Variants in FKBP5 observed in about 807,000 individuals in gnomAD.
FKBP5 encodes peptidyl-prolyl cis-trans isomerase FKBP5.
In FKBP5, 23 loss-of-function variants were observed where a neutral mutation model predicts 50.5. The observed-to-expected ratio is 0.46, with a 90% confidence interval of 0.33 to 0.65. The LOEUF (loss-of-function observed/expected upper bound fraction) is 0.65, where lower values mean the gene tolerates loss of function less well. Ranked by LOEUF, FKBP5 falls within the 30% of genes least tolerant of loss-of-function variation. The pLI is 0.02. For missense variants in FKBP5, 411 were observed against 553.1 expected, an observed-to-expected ratio of 0.74 and a Z score of 2.58; for synonymous variants, 176 against 190.6, an observed-to-expected ratio of 0.92 and a Z score of 0.63.
At chr6:35,623,556 C>T (rs62402121) in intron 3 of FKBP5, among the ~76,000 whole-genome samples, 2,286 of 151,308 alleles carry the variant, frequency 0.015, 24 homozygotes, top group Non-Finnish European at 0.023. Flanking sequence ...ACTGTCTTTA[C>T]GAAATGGCTA....
chr6:35,648,864 G>T (rs1317759875), intron 1 of FKBP5, among the ~76,000 whole-genome samples: 2 of 152,070 alleles, frequency 1.3e-5, no homozygotes, highest in Non-Finnish European at 2.9e-5. Context: ...CAGGAGAATC[G>T]CTTGAACCCT....
intron 2 of FKBP5, among the ~76,000 whole-genome samples, chr6:35,701,060 A>G (rs1407000534): frequency 6.6e-6 from 1 of 152,218 alleles, no homozygotes; most frequent in South Asian, 2.1e-4. Flanking sequence ...TAGTATAAGT[A>G]TATCCCAAAT....
chr6:35,667,675 G>A (rs565342261), intron 1 of FKBP5, among the ~76,000 whole-genome samples: 4 of 152,324 alleles, frequency 2.6e-5, no homozygotes, highest in African/African-American at 9.6e-5. Context: ...GAGGTCAAGA[G>A]TTTGAGATCA....
At chr6:35,656,125 T>C (rs969537148) in intron 1 of FKBP5, among the ~76,000 whole-genome samples, 1 of 152,204 alleles carries the variant, frequency 6.6e-6, no homozygotes, top group Admixed American at 6.5e-5. Flanking sequence ...ATAAATTGTT[T>C]CCCAAAGTCC....
At chr6:35,701,223 G>GTTTT (rs71002592) in intron 2 of FKBP5, among the ~76,000 whole-genome samples, 110,948 of 148,072 alleles carry the variant, frequency 0.75, 41,943 homozygotes, top group African/African-American at 0.85. Context: ...TTGTTTGTTT[G>GTTTT]TTTGTTTTTG....
At chr6:35,708,910 G>A (rs1026645617) in intron 2 of FKBP5, among the ~76,000 whole-genome samples, 11 of 152,062 alleles carry the variant, frequency 7.2e-5, no homozygotes, top group African/African-American at 2.4e-4. Context: ...TGGAATCCTG[G>A]TATTGCCTGG....
chr6:35,705,010 A>G (rs1391576194), intron 2 of FKBP5, among the ~76,000 whole-genome samples: 15 of 150,676 alleles, frequency 1.0e-4, no homozygotes, highest in Admixed American at 9.3e-4. Context: ...GCGTGGTGGC[A>G]GGTGCCTATA....
intron 2 of FKBP5, among the ~76,000 whole-genome samples, chr6:35,694,010 T>TA (rs959382419): frequency 4.8e-4 from 72 of 150,124 alleles, no homozygotes; most frequent in African/African-American, 1.5e-3. Context: ...CTTTTTACTT[T>TA]AAAAAAAAAA....
chr6:35,664,581 C>G (rs1765163889), intron 1 of FKBP5: 1 of 154,164 alleles, frequency 6.5e-6, no homozygotes, highest in South Asian at 2.0e-4. Flanking sequence ...TTTCCCCACT[C>G]CTGAAATTAT....
chr6:35,674,929 T>C (rs975032345), intron 1 of FKBP5, among the ~76,000 whole-genome samples: 4 of 152,224 alleles, frequency 2.6e-5, no homozygotes, highest in Non-Finnish European at 2.9e-5. Context: ...ATATGTTCTG[T>C]CCTTTCTGAG....
intron 10 of FKBP5, among the ~76,000 whole-genome samples, chr6:35,576,559 C>T (rs1396799027): frequency 1.3e-5 from 2 of 151,840 alleles, no homozygotes; most frequent in Non-Finnish European, 2.9e-5. Flanking sequence ...GTCCTAGCTA[C>T]TCAGGAGGCT....
At chr6:35,726,515 C>A (rs1766713717) in intron 1 of FKBP5, among the ~76,000 whole-genome samples, 1 of 149,084 alleles carries the variant, frequency 6.7e-6, no homozygotes. Flanking sequence ...GTCACGTCCA[C>A]CCCTCCCATC....
In FKBP5 at chr6:35,666,604, A is replaced by G. The variant is rs527993210; in HGVS notation, c.-20+22200T>C. Among the ~76,000 whole-genome samples, 19 of 152,170 alleles carry G rather than the reference A, an allele frequency of 1.2e-4. No homozygotes were observed. The South Asian group carries it at 1.9e-3, about 15-fold the overall frequency. ...TTCTATTTGTGTAAAGAAAATGTAT[A>G]TGAAGGCTGGGCACGGTGGCTCACG... On this transcript the variant is annotated intron_variant, in intron 1 of 10. Transcript: ENST00000357266.
chr6:35,628,118 C>CT (rs1175070175), intron 3 of FKBP5, among the ~76,000 whole-genome samples: 1 of 151,910 alleles, frequency 6.6e-6, no homozygotes, highest in Non-Finnish European at 1.5e-5. Flanking sequence ...AGGTTTAGAT[C>CT]TTGCATTTAG....
At chr6:35,614,921 G>A (rs540225877) in intron 5 of FKBP5, among the ~76,000 whole-genome samples, 4 of 151,968 alleles carry the variant, frequency 2.6e-5, no homozygotes, top group East Asian at 1.9e-4. Context: ...TCAGGAGTTC[G>A]AGACCAGCCT....
intron 1 of FKBP5, among the ~76,000 whole-genome samples, chr6:35,671,393 T>C (rs1196687219): frequency 6.6e-6 from 1 of 151,948 alleles, no homozygotes; most frequent in Non-Finnish European, 1.5e-5. Context: ...TATAGTCATA[T>C]TAAAAATGGA....
Position 35,575,800 on chromosome 6 carries a change from G to A in FKBP5, c.*35C>T, listed in dbSNP as rs368996117. On this transcript the variant is annotated 3_prime_UTR_variant, in exon 11 of 11. Coordinates refer to ENST00000357266, the MANE Select transcript of FKBP5 (RefSeq NM_004117.4). ...GGGGAAAGCCCATTGAGGAGGGGCCGAGTTCACTGGGACTCTTCCCTCCTT... is the reference window on the plus strand; with the variant it reads ...GGGGAAAGCCCATTGAGGAGGGGCCAAGTTCACTGGGACTCTTCCCTCCTT... 45 of 1,363,794 alleles carry A rather than the reference G, an allele frequency of 3.3e-5. No individual in the cohort carries two copies. The African/African-American group carries it at 5.0e-4, about 15-fold the overall frequency. 84.5% of individuals were successfully genotyped at this position (1,363,794 alleles called of 1,614,324 possible).
upstream of FKBP5, among the ~76,000 whole-genome samples, chr6:35,690,601 C>G (rs1199421105): frequency 6.6e-6 from 1 of 152,096 alleles, no homozygotes; most frequent in Non-Finnish European, 1.5e-5. Context: ...TACCAGTTGC[C>G]GAGGGGAGTC....
intron 8 of FKBP5, chr6:35,583,406 AACAGGT>A: frequency 1.0e-6 from 1 of 985,446 alleles, no homozygotes; most frequent in Non-Finnish European, 1.2e-6. Context: ...AAACACAAAA[AACAGGT>A]ATTAGACTTC....
Sources: gnomAD v4.1 joint callset for allele counts (sites outside exome capture counted in the v4.1 genomes callset) on GRCh38, gnomAD v4.1.1 for gene constraint, MANE v1.5 for transcripts, NCBI Gene and HGNC (gene_info 2026-07-23, HGNC 2026-07-21) for gene names.